C1R: variants seen among roughly 807,000 people sequenced by gnomAD.
The protein encoded by C1R is complement C1r subcomponent.
In C1R, 15 loss-of-function variants were observed where a neutral mutation model predicts 27.6. That is an observed-to-expected ratio of 0.54 (90% CI 0.36 to 0.84). C1R has a LOEUF of 0.84. C1R is among the 40% of genes least tolerant of loss of function. C1R has a pLI of 0.01. For synonymous variants in C1R, 253 were observed against 228.8 expected, an observed-to-expected ratio of 1.11 and a Z score of -0.95; for missense variants, 544 against 577.9, an observed-to-expected ratio of 0.94 and a Z score of 0.60.
At position 7,089,326 on chromosome 12, in the gene C1R, G is replaced by C. The variant is rs752532734; in HGVS notation, c.735C>G (p.His245Gln). 1 of 780,570 alleles carries C rather than the reference G, an allele frequency of 1.3e-6. No homozygotes were observed. Among genetic ancestry groups the C allele is most frequent in the South Asian group, 1.3e-5 (1 of 74,600 alleles). The allele number at this position is 780,570 out of a possible 1,614,324, so 48.4% of individuals were successfully genotyped here. A position where few individuals can be genotyped will look rare whatever the true frequency, so the allele number is the denominator to read the frequency against. ...GGTCATAGGGGCAGTGTACTTGCTG[G>C]TGGTCATCAATATCAAAAGGCTCCA... is the stretch of plus-strand genomic sequence containing the variant. The part of the protein sequence containing the change: ...KFLEPFDIDD[H>Q]QQVHCPYDQL... Residue 245 changes from histidine to glutamine, a missense_variant, in exon 5 of 11, where the codon CAC (histidine) becomes CAG (glutamine). This residue lies in a region of C1R where 291 missense variants were observed against 209.0 expected (regional missense o/e 1.39). Coordinates refer to ENST00000647956, the MANE Select transcript of C1R (RefSeq NM_001733.7).
At chr12:7,088,388 A>G (rs990635621) in intron 7 of C1R, 59 of 700,826 alleles carry the variant, frequency 8.4e-5, no homozygotes, top group Middle Eastern at 2.9e-4. Context: ...TGCAGTGGCT[A>G]TTCACAGGGG....
rs1355648506 is a variant in C1R at position 7,088,613 on chromosome 12, T to C, written c.1035A>G (p.Ile345Met). ...IATCKQGYQLIEGNQVLHSFT... is the reference protein window; with the variant it reads ...IATCKQGYQLMEGNQVLHSFT... ...CCCCTCAGCCCTGGGCTCTTACCTC[T>C]ATGAGCTGGTAGCCTTGCTTGCAGG... The change falls in exon 7 of 11, where the codon ATA (isoleucine) becomes ATG (methionine). Residue 345 changes from isoleucine (I) to methionine (M), a missense_variant. Coordinates refer to ENST00000647956, the MANE Select transcript of C1R (RefSeq NM_001733.7). The C allele has an allele frequency of 1.4e-6, 1 of 722,606 alleles. No homozygotes were observed. Among genetic ancestry groups the C allele is most frequent in the Admixed American group, 2.0e-5 (1 of 50,178 alleles). The allele number at this position is 722,606 out of a possible 1,614,324, so 44.8% of individuals were successfully genotyped here.
intron 4 of C1R, 32 bp downstream of exon 4, chr12:7,089,555 C>T (rs1261045754): frequency 2.6e-6 from 2 of 780,756 alleles, no homozygotes; most frequent in Non-Finnish European, 4.8e-6. Flanking sequence ...CTGGCTCAAC[C>T]CCTTCCCCTC....
intron 5 of C1R, 97 bp from the exon 6 acceptor site, chr12:7,089,083 T>C: frequency 1.6e-6 from 1 of 637,916 alleles, no homozygotes; most frequent in Admixed American, 2.5e-5. Flanking sequence ...GTGGTGGTGA[T>C]GAAATCCTGC....
intron 7 of C1R, among the ~76,000 whole-genome samples, chr12:7,088,235 G>C (rs1214425826): frequency 6.6e-6 from 1 of 152,116 alleles, no homozygotes; most frequent in African/African-American, 2.4e-5. Flanking sequence ...GAATCACCTG[G>C]GTAGCTTTAA....
chr12:7,091,879 T>A lies in C1R; in HGVS notation c.3-199A>T. Reference sequence around the variant, plus strand: ...GTGCAGCTGCTGCATCGGGTCACTCTCCAGGGCAGTGTCCAGTCCAGAGGC... The same window carrying A: ...GTGCAGCTGCTGCATCGGGTCACTCACCAGGGCAGTGTCCAGTCCAGAGGC... On this transcript the variant is annotated intron_variant, in intron 1 of 10. Coordinates refer to ENST00000647956, the MANE Select transcript of C1R (RefSeq NM_001733.7). This position sits in a 1 kb window ranked among gnomAD's most constrained non-coding sequence, Gnocchi z 5.1. 4.3e-6 allele frequency: 3 copies of A among 693,678 alleles called. No homozygotes were observed. In the South Asian group the frequency reaches 4.5e-5, roughly 10 times the overall value. 43.0% of individuals were successfully genotyped at this position (693,678 alleles called of 1,614,324 possible). A position where few individuals can be genotyped will look rare whatever the true frequency, so the allele number is the denominator to read the frequency against.
chr12:7,083,126 A>C (rs1461359401), intron 9 of C1R, among the ~76,000 whole-genome samples: 1 of 152,252 alleles, frequency 6.6e-6, no homozygotes, highest in Admixed American at 6.5e-5. Flanking sequence ...CAAAAATCAC[A>C]ACTAGGTTGA....
chr12:7,086,515 C>T, intron 7 of C1R, 58 bp from the exon 8 acceptor site: 1 of 398,320 alleles, frequency 2.5e-6, no homozygotes, highest in Non-Finnish European at 4.4e-6. Context: ...GGTCCCCTTC[C>T]TGCCCTTTCC....
intron 7 of C1R, chr12:7,088,386 C>T: frequency 1.4e-6 from 1 of 700,560 alleles, no homozygotes; most frequent in Non-Finnish European, 2.6e-6. Context: ...AGTGCAGTGG[C>T]TATTCACAGG....
rs1422231251 is a variant in C1R, at chr12:7,080,382, T to A, written c.*150A>T. On this transcript the variant is annotated 3_prime_UTR_variant, in exon 11 of 11. Transcript: ENST00000647956. This position sits in a 1 kb window ranked among gnomAD's most constrained non-coding sequence, Gnocchi z 4.9. ...GGTTGTTTCAGGTAAAGTACATCAA[T>A]GGGACTACAGGAAAGAGAATTTCAC... 2 of 1,386,234 alleles carry A rather than the reference T, an allele frequency of 1.4e-6. No individual in the cohort carries two copies. Among genetic ancestry groups the A allele is most frequent in the Non-Finnish European group, 1.9e-6 (2 of 1,073,374 alleles). 85.9% of individuals were successfully genotyped at this position (1,386,234 alleles called of 1,614,324 possible). A position where few individuals can be genotyped will look rare whatever the true frequency, so the allele number is the denominator to read the frequency against.
At position 7,080,699 on chromosome 12, in the gene C1R, G is replaced by A. The variant is rs1180128122; in HGVS notation, c.1951C>T (p.Gln651Ter). Residue 651 changes from glutamine (Q) to a stop codon, truncating the protein, a stop_gained, in exon 11 of 11, where the codon CAG becomes TAG. Coordinates refer to ENST00000647956, the MANE Select transcript of C1R (RefSeq NM_001733.7). LOFTEE classifies it high-confidence loss of function. The surrounding 1 kb of genome is among the most constrained non-coding windows in gnomAD (Gnocchi z 4.9). Reference sequence around the variant, plus strand: ...GCAAAAACGCCCCCACTATCCCCCTGGCAGGCGTCCTGCTTTAGAGATGGG... The same window carrying A: ...GCAAAAACGCCCCCACTATCCCCCTAGCAGGCGTCCTGCTTTAGAGATGGG... ...GHPSLKQDACQGDSGGVFAVR... is the reference protein window; with the variant it reads ...GHPSLKQDAC 6.2e-7 allele frequency: 1 copy of A among 1,613,914 alleles called. No homozygotes were observed. Among genetic ancestry groups the A allele is most frequent in the Non-Finnish European group, 8.5e-7 (1 of 1,179,876 alleles).
rs1366289510 is a variant in C1R at position 7,080,759 on chromosome 12, C to A, written c.1891G>T (p.Asp631Tyr). Residue 631 changes from aspartate to tyrosine, a missense_variant, in exon 11 of 11, where the codon GAT (aspartate) becomes TAT (tyrosine). Asp to Tyr is a radical substitution (Grantham distance 160). Transcript: ENST00000647956. This position sits in a 1 kb window ranked among gnomAD's most constrained non-coding sequence, Gnocchi z 4.9. ...ENWLRGKNRM[D>Y]VFSQNMFCAG... is the part of the protein sequence containing the mutation. ...CAGAACATGTTTTGAGAGAACACATCCATCCTATTCTTTCCCCGGAGCCAG... is the reference window on the plus strand; with the variant it reads ...CAGAACATGTTTTGAGAGAACACATACATCCTATTCTTTCCCCGGAGCCAG... 6.2e-7 allele frequency: 1 copy of A among 1,613,874 alleles called. No individual in the cohort carries two copies. Among genetic ancestry groups the A allele is most frequent in the Non-Finnish European group, 8.5e-7 (1 of 1,179,900 alleles).
intron 2 of C1R, among the ~76,000 whole-genome samples, chr12:7,090,751 G>T (rs755172669): frequency 6.6e-6 from 1 of 152,058 alleles, no homozygotes; most frequent in East Asian, 1.9e-4. Flanking sequence ...GCACTGCCTC[G>T]TCCCTCTTCC....
At chr12:7,088,251 C>T (rs1280327047) in intron 7 of C1R, among the ~76,000 whole-genome samples, 2 of 152,160 alleles carry the variant, frequency 1.3e-5, no homozygotes, top group African/African-American at 4.8e-5. Flanking sequence ...TTTAAATAGT[C>T]TTGATGTTCA....
chr12:7,090,460 T>C (rs1220941034), intron 2 of C1R: 1 of 572,300 alleles, frequency 1.7e-6, no homozygotes, highest in East Asian at 2.9e-5. Context: ...CTTTGCGTGT[T>C]GTCCTGGACT....
At position 7,080,540 on chromosome 12, in the gene C1R, C is replaced by G; in HGVS notation, c.2110G>C (p.Glu704Gln). The G allele has an allele frequency of 6.4e-7, 1 of 1,563,794 alleles. No individual in the cohort carries two copies. The highest frequency in any genetic ancestry group is 8.7e-7 in the Non-Finnish European group (1 of 1,152,226). ...CCTAGTGAATTCTGGGCTCAGTCCT[C>G]CTCCTCCATCTCTTTCTTGATCCAG... ...VDWIKKEMEE[E>Q]D is the part of the protein sequence containing the mutation. The change falls in exon 11 of 11, where the codon GAG becomes CAG. Residue 704 changes from glutamate (E) to glutamine (Q), a missense_variant. Transcript: ENST00000647956. The surrounding 1 kb of genome is among the most constrained non-coding windows in gnomAD (Gnocchi z 4.9).
rs1011678471 is a variant in C1R, at chr12:7,080,342, G to A, written c.*190C>T. On this transcript the variant is annotated 3_prime_UTR_variant, in exon 11 of 11. Transcript: ENST00000647956. The surrounding 1 kb of genome is among the most constrained non-coding windows in gnomAD (Gnocchi z 4.9). ...TATCCTCTGCAATCCTCAGAAGAAA[G>A]AAAGGGGCCCTTTGGGTTGTTTCAG... 2.9e-4 allele frequency: 392 copies of A among 1,331,580 alleles called. 1 individual carries two copies. Among genetic ancestry groups the A allele is most frequent in the Middle Eastern group, 5.5e-4 (2 of 3,668 alleles). 82.5% of individuals were successfully genotyped at this position (1,331,580 alleles called of 1,614,324 possible).
chr12:7,081,138 C>T lies in C1R; in HGVS notation c.1512G>A (p.Leu504=). The change falls in exon 11 of 11, where the codon CTG becomes CTA. Residue 504 remains leucine (L), a synonymous_variant. Transcript: ENST00000647956. ...DRWILTAAHT[L]YPKEHEAQSN... Reference sequence around the variant, plus strand: ...TTTGCGCTTCGTGTTCCTTGGGATACAGGGTGTGGGCAGCTGTGAGGATCC... The same window carrying T: ...TTTGCGCTTCGTGTTCCTTGGGATATAGGGTGTGGGCAGCTGTGAGGATCC... The T allele has an allele frequency of 6.2e-7, 1 of 1,614,008 alleles. No homozygotes were observed. The highest frequency in any genetic ancestry group is 8.5e-7 in the Non-Finnish European group (1 of 1,179,884).
Position 7,089,282 on chromosome 12 carries a change from G to A in C1R, c.768+11C>T, listed in dbSNP as rs1180193119. The A allele has an allele frequency of 2.6e-6, 2 of 779,370 alleles. No homozygotes were observed. The highest frequency in any genetic ancestry group is 4.8e-6 in the Non-Finnish European group (2 of 417,662). The allele number at this position is 779,370 out of a possible 1,614,324, so 48.3% of individuals were successfully genotyped here. On this transcript the variant is annotated intron_variant, in intron 5 of 10. Transcript: ENST00000647956. ...GGAGGAAGGGGTCTTTCAGGGGTAGGACGGCTGTACCTGTAGCTGGTCATA... is the reference window on the plus strand; with the variant it reads ...GGAGGAAGGGGTCTTTCAGGGGTAGAACGGCTGTACCTGTAGCTGGTCATA...
Sources: allele counts gnomAD v4.1 joint callset (sites outside exome capture counted in the v4.1 genomes callset), GRCh38; gene constraint gnomAD v4.1.1; regional missense constraint gnomAD v4.1.1; non-coding constraint Gnocchi (gnomAD v3.1); transcripts MANE v1.5; gene names NCBI Gene and HGNC (gene_info 2026-07-23, HGNC 2026-07-21).